The following EMC10 variants were observed in gnomAD, a reference collection of about 807,000 sequenced individuals.
EMC10 encodes UPF0510 protein INM02.
In EMC10, 40 loss-of-function variants were observed where a neutral mutation model predicts 32.2. That is an observed-to-expected ratio of 1.24 (90% CI 0.96 to 1.61). The LOEUF (loss-of-function observed/expected upper bound fraction) is 1.61, where lower values mean the gene tolerates loss of function less well. Among genes scored for constraint, EMC10 ranks in the 40% most tolerant of loss-of-function variants. The pLI, the probability that EMC10 is intolerant of heterozygous loss-of-function variation, is 0.00. For missense variants in EMC10, 402 were observed against 357.7 expected (o/e 1.12, Z -1.00); for synonymous variants, 178 against 158.4 (o/e 1.12, Z -0.93).
chr19:50,490,167 T>G lies in EMC10; in HGVS notation c.*7908T>G, dbSNP rs1056705047. ...TCTTGCTGTGTTGCCCAAGCTAGAG[T>G]GCAGTGGCGCGATCTCGGCTCACTG... is the stretch of plus-strand genomic sequence containing the variant. On this transcript the variant is annotated 3_prime_UTR_variant, in exon 7 of 7. Transcript: ENST00000334976. The G allele has an allele frequency of 2.0e-5, 3 of 148,276 alleles. No homozygotes were observed. The highest frequency in any genetic ancestry group is 7.5e-5 in the African/African-American group (3 of 39,846). 9.2% of individuals were successfully genotyped at this position (148,276 alleles called of 1,614,324 possible). A position where few individuals can be genotyped will look rare whatever the true frequency, so the allele number is the denominator to read the frequency against.
rs1978419626 is a variant in EMC10, at chr19:50,487,758, G to C, written c.*5499G>C. On this transcript the variant is annotated 3_prime_UTR_variant, in exon 7 of 7. Coordinates refer to ENST00000334976, the MANE Select transcript of EMC10 (RefSeq NM_206538.4). ...GGGAGGGAGGCCAGTGGGAGTGAGA[G>C]CTTGAAGGAGAGAGAGCCAGGAGAG... 2 of 152,758 alleles carry C rather than the reference G, an allele frequency of 1.3e-5. No individual in the cohort carries two copies. Among genetic ancestry groups the C allele is most frequent in the Admixed American group, 6.6e-5 (1 of 15,264 alleles). The allele number at this position is 152,758 out of a possible 1,614,324, so 9.5% of individuals were successfully genotyped here. A position where few individuals can be genotyped will look rare whatever the true frequency, so the allele number is the denominator to read the frequency against.
At chr19:50,481,549 T>C in intron 6 of EMC10, 1 of 401,174 alleles carries the variant, frequency 2.5e-6, no homozygotes, top group Non-Finnish European at 4.5e-6. Context: ...GTGTGGAGAC[T>C]GGTGTTAGGT....
In EMC10 at chr19:50,476,658, G is replaced by T. The variant is rs1277348841; in HGVS notation, c.114G>T (p.Gly38=). ...SGCRAGTGAR[G]AGAEGREGEA... ...GCCGGGCCGGGACTGGTGCGCGAGG[G>T]GTGAGTGCTCTTTAGCTGTGCATAG... Residue 38 remains glycine (G), a splice_region_variant and synonymous_variant, in exon 1 of 7, where the codon GGG becomes GGT. Coordinates refer to ENST00000334976, the MANE Select transcript of EMC10 (RefSeq NM_206538.4). 2 of 1,520,074 alleles carry T rather than the reference G, an allele frequency of 1.3e-6. No individual in the cohort carries two copies. The highest frequency in any genetic ancestry group is 1.8e-6 in the Non-Finnish European group (2 of 1,138,284). The allele number at this position is 1,520,074 out of a possible 1,614,324, so 94.2% of individuals were successfully genotyped here. A position where few individuals can be genotyped will look rare whatever the true frequency, so the allele number is the denominator to read the frequency against.
At chr19:50,477,421 G>A (rs548627418) in intron 1 of EMC10, among the ~76,000 whole-genome samples, 3 of 152,196 alleles carry the variant, frequency 2.0e-5, no homozygotes, top group Admixed American at 6.5e-5. Flanking sequence ...AAAATAAGGC[G>A]TGGGAGGGGG....
At position 50,490,543 on chromosome 19, in the gene EMC10, CTGGACTTTCATG is replaced by C. The variant is rs1978582654; in HGVS notation, c.*8290_*8301del. On this transcript the variant is annotated 3_prime_UTR_variant, in exon 7 of 7. Coordinates refer to ENST00000334976, the MANE Select transcript of EMC10 (RefSeq NM_206538.4). ...CCAGGGATCTGTTGGTCGGAGACAT[CTGGACTTTCATG>C]TGGACAGCCTGAGTGACAGGGGGAC... 1 of 152,238 alleles carries C rather than the reference CTGGACTTTCATG, an allele frequency of 6.6e-6. No individual in the cohort carries two copies. The highest frequency in any genetic ancestry group is 2.1e-4 in the South Asian group (1 of 4,828). 9.4% of individuals were successfully genotyped at this position (152,238 alleles called of 1,614,324 possible).
intron 1 of EMC10, chr19:50,477,168 CG>C (rs2040240992): frequency 6.6e-6 from 1 of 152,298 alleles, no homozygotes; most frequent in Admixed American, 6.5e-5. Flanking sequence ...TTCGGGAAGC[CG>C]AGGCGGGCGG....
chr19:50,479,167 C>G, intron 3 of EMC10, 101 bp downstream of exon 3: 1 of 883,806 alleles, frequency 1.1e-6, no homozygotes, highest in Non-Finnish European at 1.8e-6. Flanking sequence ...TCCCTCCAGG[C>G]CCAGGTGGGC....
At chr19:50,478,881 G>A in intron 2 of EMC10, 76 bp from the exon 3 acceptor site, 1 of 1,206,858 alleles carries the variant, frequency 8.3e-7, no homozygotes, top group Non-Finnish European at 1.2e-6. Context: ...AAAATTTGAA[G>A]CTGGACCTCC....
chr19:50,482,524 A>G lies in EMC10; in HGVS notation c.*265A>G. ...AGCCCCAGGGGCTTCCCCCCTGCCC[A>G]TGGAGTAGAGCCCGAGATCCTGGCC... On this transcript the variant is annotated 3_prime_UTR_variant, in exon 7 of 7. Transcript: ENST00000334976. 1 of 558,112 alleles carries G rather than the reference A, an allele frequency of 1.8e-6. No homozygotes were observed. The highest frequency in any genetic ancestry group is 3.1e-6 in the Non-Finnish European group (1 of 317,470). The allele number at this position is 558,112 out of a possible 1,614,324, so 34.6% of individuals were successfully genotyped here.
Position 50,476,564 on chromosome 19 carries a change from G to C in EMC10, c.20G>C (p.Gly7Ala). The part of the protein sequence containing the change: MAAASA[G>A]ATRLLLLLLM... ...GCCGAGATGGCGGCAGCCAGCGCTG[G>C]GGCAACCCGGCTGCTCCTGCTCTTG... is the stretch of plus-strand genomic sequence containing the variant. Residue 7 changes from glycine to alanine, a missense_variant, in exon 1 of 7, where the codon GGG becomes GCG. Coordinates refer to ENST00000334976, the MANE Select transcript of EMC10 (RefSeq NM_206538.4). 1.9e-6 allele frequency: 3 copies of C among 1,575,140 alleles called. No homozygotes were observed. Among genetic ancestry groups the C allele is most frequent in the East Asian group, 2.3e-5 (1 of 42,864 alleles).
At chr19:50,479,990 G>A (rs570582401) in intron 3 of EMC10, 121 bp from the exon 4 acceptor site, 17 of 772,492 alleles carry the variant, frequency 2.2e-5, no homozygotes, top group Non-Finnish European at 3.1e-5. Flanking sequence ...CTGGCCTGGG[G>A]AGTGTGGGCC....
chr19:50,481,806 C>A, intron 6 of EMC10: 1 of 1,468,620 alleles, frequency 6.8e-7, no homozygotes, highest in Non-Finnish European at 9.1e-7. Flanking sequence ...TCCCTGCTGG[C>A]CCTCAGGCCC....
Position 50,480,682 on chromosome 19 carries a change from C to T in EMC10, c.504C>T (p.Cys168=). 1 of 1,602,240 alleles carries T rather than the reference C, an allele frequency of 6.2e-7. No individual in the cohort carries two copies. The highest frequency in any genetic ancestry group is 8.5e-7 in the Non-Finnish European group (1 of 1,175,472). The change falls in exon 5 of 7, where the codon TGC becomes TGT. Residue 168 remains cysteine (C), a synonymous_variant. Coordinates refer to ENST00000334976, the MANE Select transcript of EMC10 (RefSeq NM_206538.4). This position sits in a 1 kb window ranked among gnomAD's most constrained non-coding sequence, Gnocchi z 4.4. ...CGGTGGTGACGCACCCCGGGGGCTG[C>T]CGGGGCCATGAGGTGGAGGACGTGG... is the stretch of plus-strand genomic sequence containing the variant. ...GVSVVTHPGG[C]RGHEVEDVDL...
intron 2 of EMC10, among the ~76,000 whole-genome samples, chr19:50,478,482 G>T (rs151051296): frequency 1.3e-5 from 2 of 152,298 alleles, no homozygotes; most frequent in African/African-American, 2.4e-5. Context: ...GGTTCCCAGA[G>T]CTGGACGTCA....
chr19:50,481,474 C>T lies in EMC10; in HGVS notation c.678+497C>T, dbSNP rs1044096718. The T allele has an allele frequency of 2.8e-5, 7 of 253,040 alleles. No individual in the cohort carries two copies. In the Admixed American group the frequency reaches 3.7e-4, roughly 13 times the overall value. 15.7% of individuals were successfully genotyped at this position (253,040 alleles called of 1,614,324 possible). A position where few individuals can be genotyped will look rare whatever the true frequency, so the allele number is the denominator to read the frequency against. The stretch of plus-strand genomic sequence containing the variant: ...AGTCCCGGGGGCTTAGAGGCTGAGG[C>T]GTGGGGTGGGGAGGCTGGGGACAGC... On this transcript the variant is annotated intron_variant, in intron 6 of 6. Transcript: ENST00000334976.
chr19:50,479,161 T>A (rs2040278439), intron 3 of EMC10, 95 bp downstream of exon 3: 7 of 993,486 alleles, frequency 7.0e-6, no homozygotes, highest in Non-Finnish European at 1.1e-5. Flanking sequence ...CAGCCTTCCC[T>A]CCAGGCCCAG....
rs577404242 is a variant in EMC10 at position 50,482,139 on chromosome 19, C to G, written c.679-10C>G. On this transcript the variant is annotated splice_polypyrimidine_tract_variant and intron_variant, in intron 6 of 6. Transcript: ENST00000334976. ...TGTGTCTGTCTGTCCATCCTTCCGT[C>G]CGGCTGCAGTGGATGTACATCATTC... 6.4e-6 allele frequency: 10 copies of G among 1,552,850 alleles called. No individual in the cohort carries two copies. Among genetic ancestry groups the G allele is most frequent in the Non-Finnish European group, 8.9e-6 (10 of 1,124,624 alleles).
Position 50,480,569 on chromosome 19 carries a change from C to A in EMC10, c.403-12C>A. 1 of 1,550,890 alleles carries A rather than the reference C, an allele frequency of 6.4e-7. No homozygotes were observed. Among genetic ancestry groups the A allele is most frequent in the Non-Finnish European group, 8.7e-7 (1 of 1,147,132 alleles). Reference sequence around the variant, plus strand: ...AGGCTCCCCACCTCCACTGACCCCACTCCCCCCACAGTGCTCCCTGGTGGA... The same window carrying A: ...AGGCTCCCCACCTCCACTGACCCCAATCCCCCCACAGTGCTCCCTGGTGGA... On this transcript the variant is annotated splice_polypyrimidine_tract_variant and intron_variant, in intron 4 of 6. Transcript: ENST00000334976. The surrounding 1 kb of genome is among the most constrained non-coding windows in gnomAD (Gnocchi z 4.4).
At chr19:50,481,058 A>C (rs929776705) in intron 6 of EMC10, 81 bp downstream of exon 6, 2 of 1,121,776 alleles carry the variant, frequency 1.8e-6, no homozygotes, top group Non-Finnish European at 1.3e-6. Flanking sequence ...TCCCACCCAG[A>C]CTCCCCTATG....
Sources: allele counts gnomAD v4.1 joint callset (sites outside exome capture counted in the v4.1 genomes callset), GRCh38; gene constraint gnomAD v4.1.1; non-coding constraint Gnocchi (gnomAD v3.1); transcripts MANE v1.5; gene names NCBI Gene and HGNC (gene_info 2026-07-23, HGNC 2026-07-21).